Variants in CEP112 observed in about 807,000 individuals in gnomAD.
CEP112 encodes the protein centrosomal protein of 112 kDa.
In CEP112, 127 loss-of-function variants were observed where a neutral mutation model predicts 153.0. The ratio of observed to expected loss-of-function variants is 0.83; its 90% CI spans 0.72 to 0.96. The LOEUF is 0.96. Among genes scored for constraint, CEP112 ranks in the 40% least tolerant of loss-of-function variants. CEP112 has a pLI of 0.00. For synonymous variants in CEP112, 358 were observed against 374.4 expected (o/e 0.96, Z 0.51); for missense variants, 1,089 against 1,101.2 (o/e 0.99, Z 0.16).
At position 65,900,300 on chromosome 17, in the gene CEP112, G is replaced by A. The variant is rs76602361; in HGVS notation, c.2163+1852C>T. Among the ~76,000 whole-genome samples, 6 of 152,200 alleles carry A rather than the reference G, an allele frequency of 3.9e-5. No homozygotes were observed. In the East Asian group the frequency reaches 7.7e-4, roughly 20 times the overall value. On this transcript the variant is annotated intron_variant, in intron 20 of 26. Transcript: ENST00000535342. ...TGACAGCAATTCCAATTAGTAAAAC[G>A]TTCCAAGAAAGACACGAAATATGAG...
intron 21 of CEP112, among the ~76,000 whole-genome samples, chr17:65,830,172 T>G (rs552138726): frequency 3.3e-5 from 5 of 152,324 alleles, no homozygotes; most frequent in Admixed American, 3.3e-4. Context: ...GAATAGATTG[T>G]CTGGCATCAC....
intron 8 of CEP112, among the ~76,000 whole-genome samples, chr17:66,080,397 C>T (rs954323575): frequency 6.6e-6 from 1 of 152,140 alleles, no homozygotes; most frequent in Admixed American, 6.5e-5. Flanking sequence ...ATACGGCCAA[C>T]AAACATACGA....
At chr17:66,068,782 A>C (rs1291126465) in intron 9 of CEP112, among the ~76,000 whole-genome samples, 1 of 152,066 alleles carries the variant, frequency 6.6e-6, no homozygotes, top group East Asian at 1.9e-4. Context: ...CCATCACCGT[A>C]ATTTTTCCAA....
chr17:66,149,757 T>C (rs1217521028), intron 4 of CEP112, among the ~76,000 whole-genome samples: 1 of 151,892 alleles, frequency 6.6e-6, no homozygotes, highest in Non-Finnish European at 1.5e-5. Context: ...AAAACCCAAC[T>C]CTTAGTTTCA....
intron 20 of CEP112, among the ~76,000 whole-genome samples, chr17:65,900,191 C>T (rs1038648216): frequency 1.8e-4 from 28 of 152,084 alleles, no homozygotes; most frequent in African/African-American, 6.8e-4. Context: ...TCTCTAAGAA[C>T]GACTAAGTAC....
chr17:65,923,618 T>G (rs1187969938), intron 19 of CEP112, among the ~76,000 whole-genome samples: 1 of 152,196 alleles, frequency 6.6e-6, no homozygotes, highest in African/African-American at 2.4e-5. Flanking sequence ...TTCATAATTT[T>G]AATGTTTTAC....
Position 65,986,903 on chromosome 17 carries a change from T to A in CEP112, c.1736+18787A>T, listed in dbSNP as rs189872603. ...ATACCCAAAATACACAGTAGACTAA[T>A]ATCAGAAAGTCCCTAGAAAAGTGTA... On this transcript the variant is annotated intron_variant, in intron 17 of 26. Coordinates refer to ENST00000535342, the MANE Select transcript of CEP112 (RefSeq NM_001199165.4). Among the ~76,000 whole-genome samples, 344 of 152,202 alleles carry A rather than the reference T, an allele frequency of 2.3e-3. 3 individuals are homozygous for A. The highest frequency in any genetic ancestry group is 8.0e-3 in the African/African-American group (334 of 41,536).
chr17:66,050,728 A>G (rs528984482), intron 12 of CEP112, among the ~76,000 whole-genome samples: 9 of 152,194 alleles, frequency 5.9e-5, no homozygotes, highest in Non-Finnish European at 1.3e-4. Flanking sequence ...CCTCTTCCAG[A>G]GATGCCTGGA....
At chr17:65,885,475 T>A (rs182170294) in intron 20 of CEP112, among the ~76,000 whole-genome samples, 3 of 152,230 alleles carry the variant, frequency 2.0e-5, no homozygotes, top group Admixed American at 1.3e-4. Flanking sequence ...TTTAAAGTTA[T>A]GTTGTTTTCC....
At chr17:66,013,609 G>A (rs1598106984) in intron 16 of CEP112, among the ~76,000 whole-genome samples, 1 of 152,130 alleles carries the variant, frequency 6.6e-6, no homozygotes. Context: ...GTGTTAAATG[G>A]GCCAAAGTGT....
At chr17:65,970,238 G>GCATA in intron 17 of CEP112, among the ~76,000 whole-genome samples, 1 of 43,032 alleles carries the variant, frequency 2.3e-5, no homozygotes, top group African/African-American at 6.7e-5. Context: ...ATATATGCAT[G>GCATA]TATATTACAT....
At chr17:66,161,973 A>T (rs141479765) in intron 4 of CEP112, among the ~76,000 whole-genome samples, 208 of 152,282 alleles carry the variant, frequency 1.4e-3, no homozygotes, top group African/African-American at 4.6e-3. Context: ...GTTCATTATA[A>T]ATTACCCAAT....
At chr17:66,070,734 T>C (rs1341281994) in intron 8 of CEP112, among the ~76,000 whole-genome samples, 3 of 152,136 alleles carry the variant, frequency 2.0e-5, no homozygotes, top group East Asian at 1.9e-4. Flanking sequence ...CAACATAAAA[T>C]TGATTATCTC....
In CEP112 at chr17:66,167,693, T is replaced by C. The variant is rs557784461; in HGVS notation, c.470+7351A>G. 2.0e-5 allele frequency among the ~76,000 whole-genome samples: 3 copies of C among 152,340 alleles called. No individual in the cohort carries two copies. In the East Asian group the frequency reaches 5.8e-4, roughly 29 times the overall value. On this transcript the variant is annotated intron_variant, in intron 4 of 26. Transcript: ENST00000535342. ...GCATAAAGTACTTATGCCTATATGA[T>C]ACACTAGAAAGAACATGGGTGTGAA...
At chr17:65,914,717 T>A (rs963219155) in intron 19 of CEP112, among the ~76,000 whole-genome samples, 8 of 152,194 alleles carry the variant, frequency 5.3e-5, no homozygotes, top group Non-Finnish European at 1.0e-4. Context: ...TCTTCTCTAG[T>A]GGATCAGTCT....
At chr17:65,902,062 C>T (rs962228802) in intron 20 of CEP112, 90 bp downstream of exon 20, 55 of 726,960 alleles carry the variant, frequency 7.6e-5, no homozygotes, top group African/African-American at 4.2e-4. Context: ...GATCAAACAG[C>T]GTGCATCAAT....
chr17:65,653,568 C>T (rs193126568), intron 24 of CEP112, among the ~76,000 whole-genome samples: 214 of 152,060 alleles, frequency 1.4e-3, no homozygotes, highest in African/African-American at 4.8e-3. Flanking sequence ...AAGAAGAGTG[C>T]AGCAAAAAGA....
At chr17:65,830,515 T>A (rs1181198936) in intron 21 of CEP112, among the ~76,000 whole-genome samples, 1 of 151,908 alleles carries the variant, frequency 6.6e-6, no homozygotes, top group African/African-American at 2.4e-5. Context: ...CAAACTGGGG[T>A]GAACTGGGGA....
rs747685992 is a variant in CEP112, at chr17:65,851,934, CGAA to C, written c.2261_2263del (p.Leu754del). ...TGTAGCCCTTTGCTTTTCCTCTTCACGAAGAAGACCAAGCTCTACCAGCTGCTG... is the reference window on the plus strand; with the variant it reads ...TGTAGCCCTTTGCTTTTCCTCTTCACGAAGACCAAGCTCTACCAGCTGCTG... On this transcript the variant is annotated inframe_deletion, in exon 21 of 27. Transcript: ENST00000535342. 5 of 1,614,076 alleles carry C rather than the reference CGAA, an allele frequency of 3.1e-6. No homozygotes were observed. The highest frequency in any genetic ancestry group is 4.2e-6 in the Non-Finnish European group (5 of 1,179,986).
Sources: gnomAD v4.1 joint callset for allele counts (sites outside exome capture counted in the v4.1 genomes callset) on GRCh38, gnomAD v4.1.1 for gene constraint, MANE v1.5 for transcripts, NCBI Gene and HGNC (gene_info 2026-07-23, HGNC 2026-07-21) for gene names.